ZNF142: variants seen among roughly 807,000 people sequenced by gnomAD.
ZNF142 encodes zinc finger protein 142 (clone pHZ-49).
In ZNF142, 96 loss-of-function variants were observed where a neutral mutation model predicts 132.1. The ratio of observed to expected loss-of-function variants is 0.73; its 90% CI spans 0.62 to 0.86. The LOEUF (loss-of-function observed/expected upper bound fraction) is 0.86, where lower values mean the gene tolerates loss of function less well. Ranked by LOEUF, ZNF142 falls within the 40% of genes least tolerant of loss-of-function variation. The probability of loss-of-function intolerance (pLI) is 0.00; values close to 1 mark genes in which losing one functional copy is unlikely to be tolerated. For synonymous variants in ZNF142, 842 were observed against 890.1 expected (o/e 0.95, Z 0.96); for missense variants, 2,163 against 2,336.2 (o/e 0.93, Z 1.53).
Position 218,634,121 on chromosome 2 carries a change from G to C in ZNF142, c.*4218C>G. Reference sequence around the variant, plus strand: ...CTTTTACAGGCAATGAGTTTGTGCAGCACAATACTTGGCAGTTAAGCCGTG... The same window carrying C: ...CTTTTACAGGCAATGAGTTTGTGCACCACAATACTTGGCAGTTAAGCCGTG... On this transcript the variant is annotated 3_prime_UTR_variant, in exon 11 of 11. Coordinates refer to ENST00000411696, the MANE Select transcript of ZNF142 (RefSeq NM_001379659.1). The surrounding 1 kb of genome is among the most constrained non-coding windows in gnomAD (Gnocchi z 4.0). The C allele has an allele frequency of 6.2e-7, 1 of 1,611,074 alleles. No homozygotes were observed. The highest frequency in any genetic ancestry group is 2.2e-5 in the East Asian group (1 of 44,834).
intron 7 of ZNF142, among the ~76,000 whole-genome samples, chr2:218,648,393 G>A (rs968930280): frequency 6.6e-6 from 1 of 152,214 alleles, no homozygotes; most frequent in Admixed American, 6.5e-5. Context: ...GCTTAAGAGC[G>A]AGGCACAGCA....
intron 9 of ZNF142, among the ~76,000 whole-genome samples, chr2:218,641,523 C>T (rs554883963): frequency 3.9e-5 from 6 of 152,002 alleles, no homozygotes; most frequent in Admixed American, 2.0e-4. Flanking sequence ...GGATTACAGG[C>T]GTGAGCCACC....
chr2:218,649,441 G>A lies in ZNF142; in HGVS notation c.1067C>T (p.Thr356Ile), dbSNP rs760114943. 6.2e-7 allele frequency: 1 copy of A among 1,600,198 alleles called. No homozygotes were observed. Residue 356 changes from threonine to isoleucine, a missense_variant, in exon 7 of 11, where the codon ACC becomes ATC. Physicochemically the swap from Thr to Ile is moderately conservative, Grantham distance 89. Transcript: ENST00000411696. Reference sequence around the variant, plus strand: ...CATATGGGTCTTGAAGAGGGACTCGGTGCCAGAGACCACATCCCCTGGGAA... The same window carrying A: ...CATATGGGTCTTGAAGAGGGACTCGATGCCAGAGACCACATCCCCTGGGAA... ...QRLEGDVVSG[T>I]ESLFKTHMCP...
chr2:218,656,547 C>T, intron 3 of ZNF142, 84 bp from the exon 4 acceptor site: 1 of 1,013,748 alleles, frequency 9.9e-7, no homozygotes, highest in Non-Finnish European at 1.3e-6. Flanking sequence ...AGCCCAGTGC[C>T]CACCCACTTA....
rs751706672 is a variant in ZNF142 at position 218,644,386 on chromosome 2, T to G, written c.2730A>C (p.Pro910=). The change falls in exon 9 of 11, where the codon CCA becomes CCC. Residue 910 remains proline (P), a synonymous_variant. Coordinates refer to ENST00000411696, the MANE Select transcript of ZNF142 (RefSeq NM_001379659.1). This position sits in a 1 kb window ranked among gnomAD's most constrained non-coding sequence, Gnocchi z 4.6. ...CTGTTTCAGTGACCTCCTCAAGGGG[T>G]GGCTCAGTCACAGACTCCAGCTCTA... ...LGVELESVTE[P]PLEEVTETAP... is the part of the protein sequence containing the mutation. The G allele has an allele frequency of 6.2e-6, 10 of 1,613,952 alleles. No homozygotes were observed. The South Asian group carries it at 1.1e-4, about 18-fold the overall frequency.
In ZNF142 at chr2:218,643,783, C is replaced by G; in HGVS notation, c.3333G>C (p.Val1111=). The change falls in exon 9 of 11, where the codon GTG becomes GTC. Residue 1111 remains valine, a synonymous_variant. Transcript: ENST00000411696. ...CCTCTGAGGCCTGGGTACCTGGGAG[C>G]ACAGGTTGCAGAGGGATGGGTGAAT... The part of the protein sequence containing the change: ...RPDSPIPLQP[V]LPGTQASEDT... 11 of 1,611,174 alleles carry G rather than the reference C, an allele frequency of 6.8e-6. No homozygotes were observed. Among genetic ancestry groups the G allele is most frequent in the Non-Finnish European group, 9.3e-6 (11 of 1,178,428 alleles).
At position 218,649,051 on chromosome 2, in the gene ZNF142, AG is replaced by A; in HGVS notation, c.1456del (p.Leu486PhefsTer22). The A allele has an allele frequency of 6.2e-7, 1 of 1,613,688 alleles. No homozygotes were observed. The highest frequency in any genetic ancestry group is 8.5e-7 in the Non-Finnish European group (1 of 1,180,038). On this transcript the variant is annotated frameshift_variant, in exon 7 of 11. Coordinates refer to ENST00000411696, the MANE Select transcript of ZNF142 (RefSeq NM_001379659.1). LOFTEE classifies it high-confidence loss of function. ...TAAAAAEPLP[L>X]RCFQEGCSYA... The stretch of plus-strand genomic sequence containing the variant: ...GCTGCAGCCCTCCTGAAAGCAGCGA[AG>A]GGGTAATGGCTCTGCTGCGGCTGCT...
At chr2:218,651,592 A>C (rs1219166042) in intron 5 of ZNF142, 109 bp downstream of exon 5, 2 of 1,158,596 alleles carry the variant, frequency 1.7e-6, no homozygotes, top group South Asian at 1.6e-5. Context: ...CACTGTCTAG[A>C]TTCTCTTATA....
At position 218,648,904 on chromosome 2, in the gene ZNF142, G is replaced by A; in HGVS notation, c.1604C>T (p.Ala535Val). The A allele has an allele frequency of 6.2e-7, 1 of 1,614,054 alleles. No homozygotes were observed. Among genetic ancestry groups the A allele is most frequent in the Non-Finnish European group, 8.5e-7 (1 of 1,180,036 alleles). The change falls in exon 7 of 11, where the codon GCC becomes GTC. Residue 535 changes from alanine to valine, a missense_variant. Physicochemically the swap from Ala to Val is moderately conservative, Grantham distance 64 (BLOSUM62 0). Coordinates refer to ENST00000411696, the MANE Select transcript of ZNF142 (RefSeq NM_001379659.1). ...GAAGGCGTAGTGACTCTTGTGGTGG[G>A]CCTCCATGGCTTCGGCTGTGGCAAA... ...MLFATAEAME[A>V]HHKSHYAFHC...
rs932288945 is a variant in ZNF142 at position 218,658,825 on chromosome 2, G to C, written c.-159C>G. On this transcript the variant is annotated 5_prime_UTR_variant, in exon 3 of 11. Coordinates refer to ENST00000411696, the MANE Select transcript of ZNF142 (RefSeq NM_001379659.1). ...ACCTGCGGGAGGGCAGGGTGAGGTA[G>C]GAGACAGGTGGGCACCAGAGAAGAA... 5 of 152,314 alleles carry C rather than the reference G, an allele frequency of 3.3e-5. No homozygotes were observed. Among genetic ancestry groups the C allele is most frequent in the African/African-American group, 1.2e-4 (5 of 41,458 alleles). The allele number at this position is 152,314 out of a possible 1,614,324, so 9.4% of individuals were successfully genotyped here. A position where few individuals can be genotyped will look rare whatever the true frequency, so the allele number is the denominator to read the frequency against.
intron 10 of ZNF142, among the ~76,000 whole-genome samples, chr2:218,639,822 G>A (rs1439602046): frequency 1.1e-4 from 17 of 150,798 alleles, no homozygotes; most frequent in African/African-American, 3.9e-4. Flanking sequence ...TTGGGAGGCC[G>A]AGGCGGGCGG....
At position 218,638,879 on chromosome 2, in the gene ZNF142, A is replaced by G. The variant is rs1356665964; in HGVS notation, c.5195-71T>C. On this transcript the variant is annotated intron_variant, in intron 10 of 10. Coordinates refer to ENST00000411696, the MANE Select transcript of ZNF142 (RefSeq NM_001379659.1). ...GTTTACTGGGCCATGGAGTTACTGC[A>G]ATCAGTGGATATAAAGAATGCAAGC... The G allele has an allele frequency of 8.1e-6, 10 of 1,239,792 alleles. No homozygotes were observed. In the Admixed American group the frequency reaches 1.2e-4, roughly 15 times the overall value. The allele number at this position is 1,239,792 out of a possible 1,614,324, so 76.8% of individuals were successfully genotyped here.
rs751505149 is a variant in ZNF142, at chr2:218,643,702, T to G, written c.3414A>C (p.Pro1138=). The change falls in exon 9 of 11, where the codon CCA becomes CCC. Residue 1138 remains proline, a synonymous_variant. Transcript: ENST00000411696. The stretch of plus-strand genomic sequence containing the variant: ...TGGGAAGCTCCAAAGGAGCATCTTT[T>G]GGAAGCAGTAGCTCTGCTTCTTGTG... The part of the protein sequence containing the change: ...PASQEAELLL[P]KDAPLELPRE... 11 of 1,585,950 alleles carry G rather than the reference T, an allele frequency of 6.9e-6. No homozygotes were observed. The highest frequency in any genetic ancestry group is 8.6e-6 in the Non-Finnish European group (10 of 1,169,096).
At position 218,633,785 on chromosome 2, in the gene ZNF142, G is replaced by T; in HGVS notation, c.*4554C>A. The T allele has an allele frequency of 6.2e-7, 1 of 1,612,908 alleles. No individual in the cohort carries two copies. On this transcript the variant is annotated 3_prime_UTR_variant, in exon 11 of 11. Transcript: ENST00000411696. The stretch of plus-strand genomic sequence containing the variant: ...TGGTCAGGACCAAAATGGAGGGATG[G>T]GGAGGGAAGTGGGATGGATAGGTTC...
rs1696828467 is a variant in ZNF142, at chr2:218,637,491, T to C, written c.*848A>G. 6.6e-6 allele frequency among the ~76,000 whole-genome samples: 1 copy of C among 152,190 alleles called. No homozygotes were observed. Among genetic ancestry groups the C allele is most frequent in the South Asian group, 2.1e-4 (1 of 4,830 alleles). On this transcript the variant is annotated 3_prime_UTR_variant, in exon 11 of 11. Transcript: ENST00000411696. ...GTGTGTCTCAGTTTAGATGATCAAT[T>C]ATATAGTAAGGCACTACAGAATTAT...
chr2:218,658,342 C>T (rs776441730), intron 3 of ZNF142, among the ~76,000 whole-genome samples: 1 of 152,226 alleles, frequency 6.6e-6, no homozygotes, highest in Middle Eastern at 3.4e-3. Context: ...AAGTTCGAGA[C>T]CAGCCTGGCG....
rs772583006 is a variant in ZNF142 at position 218,643,298 on chromosome 2, T to C, written c.3818A>G (p.Asn1273Ser). ...ATTCTTCGGGGGAGCAGAGTCCCCA[T>C]TGCTCAACGGGGACACATCAGGCTG... The part of the protein sequence containing the change: ...QTQPDVSPLS[N>S]GDSAPPKNGS... The change falls in exon 9 of 11, where the codon AAT becomes AGT. Residue 1273 changes from asparagine (N) to serine (S), a missense_variant. Transcript: ENST00000411696. The C allele has an allele frequency of 6.2e-7, 1 of 1,614,174 alleles. No individual in the cohort carries two copies. The highest frequency in any genetic ancestry group is 1.1e-5 in the South Asian group (1 of 91,084).
At chr2:218,645,281 TAC>T (rs1210266902) in intron 8 of ZNF142, among the ~76,000 whole-genome samples, 1 of 152,206 alleles carries the variant, frequency 6.6e-6, no homozygotes, top group East Asian at 1.9e-4. Flanking sequence ...TAAGGTTGGT[TAC>T]AAAGTAAGCC....
Position 218,648,899 on chromosome 2 carries a change from G to C in ZNF142, c.1609C>G (p.His537Asp), listed in dbSNP as rs764206993. The C allele has an allele frequency of 2.5e-6, 4 of 1,614,098 alleles. No homozygotes were observed. The Admixed American group carries it at 6.7e-5, about 27-fold the overall frequency. Residue 537 changes from histidine to aspartate, a missense_variant, in exon 7 of 11, where the codon CAC becomes GAC. Physicochemically the swap from His to Asp is moderately conservative, Grantham distance 81 (BLOSUM62 -1). Transcript: ENST00000411696. ...FATAEAMEAH[H>D]KSHYAFHCPH... ...CAGTGGAAGGCGTAGTGACTCTTGT[G>C]GTGGGCCTCCATGGCTTCGGCTGTG...
Sources: gnomAD v4.1 joint callset for allele counts (sites outside exome capture counted in the v4.1 genomes callset) on GRCh38, gnomAD v4.1.1 for gene constraint, Gnocchi (gnomAD v3.1) non-coding constraint, MANE v1.5 for transcripts, NCBI Gene and HGNC (gene_info 2026-07-23, HGNC 2026-07-21) for gene names.